EOGT: variants seen among roughly 807,000 people sequenced by gnomAD.
EOGT encodes the protein EGF domain specific O-linked N-acetylglucosamine transferase.
Under a neutral mutation model 70.5 loss-of-function variants are expected in EOGT, and 55 were observed. The ratio of observed to expected loss-of-function variants is 0.78; its 90% CI spans 0.63 to 0.98. The LOEUF (loss-of-function observed/expected upper bound fraction) is 0.98, where lower values mean the gene tolerates loss of function less well. Ranked by LOEUF, EOGT falls within the 50% of genes least tolerant of loss-of-function variation. The pLI, the probability that EOGT is intolerant of heterozygous loss-of-function variation, is 0.00. For missense variants in EOGT, 703 were observed against 641.9 expected (o/e 1.10, Z -1.03); for synonymous variants, 246 against 217.1 (o/e 1.13, Z -1.17).
In EOGT at chr3:69,005,168, A is replaced by T. The variant is rs1172914593; in HGVS notation, c.487T>A (p.Leu163Ile). Residue 163 changes from leucine to isoleucine, a missense_variant, in exon 7 of 18, where the codon TTA becomes ATA. Transcript: ENST00000383701. Reference sequence around the variant, plus strand: ...TCATGATTTCTCTTGATGTTTCTTAAATCAAGATAGAGATTGGTTGCTCTG... The same window carrying T: ...TCATGATTTCTCTTGATGTTTCTTATATCAAGATAGAGATTGGTTGCTCTG... ...YCRATNLYLD[L>I]RNIKRNHDRF... The T allele has an allele frequency of 6.3e-7, 1 of 1,597,464 alleles. No homozygotes were observed. The highest frequency in any genetic ancestry group is 8.6e-7 in the Non-Finnish European group (1 of 1,165,548).
chr3:68,989,153 C>G (rs1231963183), intron 10 of EOGT, 136 bp from the exon 11 acceptor site: 1 of 516,880 alleles, frequency 1.9e-6, no homozygotes. Flanking sequence ...TCCATACAAG[C>G]AAAATGGATC....
intron 5 of EOGT, 48 bp from the exon 6 acceptor site, chr3:69,007,869 G>A: frequency 7.3e-7 from 1 of 1,364,912 alleles, no homozygotes; most frequent in Non-Finnish European, 1.0e-6. Flanking sequence ...TTACTTTTTT[G>A]GACCTTGAAT....
chr3:68,981,377 C>T (rs952735578), intron 15 of EOGT, among the ~76,000 whole-genome samples: 3 of 152,154 alleles, frequency 2.0e-5, no homozygotes, highest in Non-Finnish European at 4.4e-5. Context: ...GCAAAGCTCC[C>T]ATGCCAACAT....
chr3:68,982,228 T>C (rs539054678), intron 15 of EOGT, among the ~76,000 whole-genome samples: 1 of 152,144 alleles, frequency 6.6e-6, no homozygotes, highest in Admixed American at 6.5e-5. Context: ...TTTAAAATTA[T>C]GAAATTTTAG....
At chr3:68,997,345 G>A (rs1412717127) in intron 10 of EOGT, among the ~76,000 whole-genome samples, 1 of 151,536 alleles carries the variant, frequency 6.6e-6, no homozygotes, top group Non-Finnish European at 1.5e-5. Context: ...TCCAACATAG[G>A]TTACAGAGGT....
chr3:68,979,883 T>C (rs2090587393), intron 15 of EOGT, 96 bp from the exon 16 acceptor site: 3 of 1,235,020 alleles, frequency 2.4e-6, no homozygotes, highest in Non-Finnish European at 3.3e-6. Context: ...TTTATAAAAG[T>C]GTATTGCCCA....
At chr3:68,983,506 A>T (rs1002792234) in intron 14 of EOGT, among the ~76,000 whole-genome samples, 2 of 152,240 alleles carry the variant, frequency 1.3e-5, no homozygotes, top group Non-Finnish European at 2.9e-5. Context: ...GCCACGGGGG[A>T]TCACCACCAT....
At position 68,978,282 on chromosome 3, in the gene EOGT, C is replaced by G. The variant is rs774272094; in HGVS notation, c.1437+51G>C. On this transcript the variant is annotated intron_variant, in intron 17 of 17. Coordinates refer to ENST00000383701, the MANE Select transcript of EOGT (RefSeq NM_001278689.2). ...CATTTTTCATATCAATAATTGGATA[C>G]TTTAAACCAATTAAAAATGAAGCAA... 11 of 1,359,932 alleles carry G rather than the reference C, an allele frequency of 8.1e-6. No individual in the cohort carries two copies. In the Admixed American group the frequency reaches 1.6e-4, roughly 20 times the overall value. 84.2% of individuals were successfully genotyped at this position (1,359,932 alleles called of 1,614,324 possible). A position where few individuals can be genotyped will look rare whatever the true frequency, so the allele number is the denominator to read the frequency against.
rs575602942 is a variant in EOGT, at chr3:68,988,958, G to A, written c.891C>T (p.Asp297=). 16 of 1,530,734 alleles carry A rather than the reference G, an allele frequency of 1.0e-5. 1 individual carries two copies. Among genetic ancestry groups the A allele is most frequent in the East Asian group, 7.4e-5 (3 of 40,724 alleles). The allele number at this position is 1,530,734 out of a possible 1,614,324, so 94.8% of individuals were successfully genotyped here. ...SDTWNAFTDY[D]VIHLKTYDSK... is the part of the protein sequence containing the mutation. Reference sequence around the variant, plus strand: ...AATCATAAGTTTTCAAATGTATAACGTCATAATCAGTAAATGCATTCCATG... The same window carrying A: ...AATCATAAGTTTTCAAATGTATAACATCATAATCAGTAAATGCATTCCATG... Residue 297 remains aspartate (D), a synonymous_variant, in exon 11 of 18, where the codon GAC becomes GAT. Transcript: ENST00000383701.
intron 1 of EOGT, among the ~76,000 whole-genome samples, chr3:69,013,288 C>T (rs2091622770): frequency 6.6e-6 from 1 of 151,786 alleles, no homozygotes. Flanking sequence ...GCGGCTCCGC[C>T]CCGGCTGGAA....
At chr3:68,982,472 A>ATG (rs1025057876) in intron 15 of EOGT, among the ~76,000 whole-genome samples, 1 of 152,186 alleles carries the variant, frequency 6.6e-6, no homozygotes, top group African/African-American at 2.4e-5. Flanking sequence ...GTGAGCTGAG[A>ATG]TGGCACCACT....
intron 10 of EOGT, among the ~76,000 whole-genome samples, chr3:68,989,834 TG>T (rs1442312032): frequency 6.6e-6 from 1 of 151,082 alleles, no homozygotes; most frequent in Non-Finnish European, 1.5e-5. Context: ...TCCAGCGCTT[TG>T]GGAGGCAAAG....
At chr3:69,009,922 A>C in intron 3 of EOGT, 62 bp from the exon 4 acceptor site, 4 of 613,604 alleles carry the variant, frequency 6.5e-6, no homozygotes, top group Non-Finnish European at 1.0e-5. Flanking sequence ...AAACAACAAC[A>C]ACAACAACAA....
chr3:69,009,358 T>C (rs2091512448), intron 4 of EOGT, among the ~76,000 whole-genome samples: 1 of 152,234 alleles, frequency 6.6e-6, no homozygotes, highest in African/African-American at 2.4e-5. Context: ...AGATGTTCTT[T>C]CCTGCATAAA....
chr3:68,976,993 C>CT lies in EOGT; in HGVS notation c.*624dup. 1 of 152,548 alleles carries CT rather than the reference C, an allele frequency of 6.6e-6. No homozygotes were observed. Among genetic ancestry groups the CT allele is most frequent in the East Asian group, 1.9e-4 (1 of 5,188 alleles). The allele number at this position is 152,548 out of a possible 1,614,324, so 9.4% of individuals were successfully genotyped here. On this transcript the variant is annotated 3_prime_UTR_variant, in exon 18 of 18. Transcript: ENST00000383701. ...TGGCCAACATGGTGAAACTCCGTCT[C>CT]TATCAAAAATACAAAAATCAACTGG...
At chr3:68,978,044 G>C (rs1286152720) in intron 17 of EOGT, among the ~76,000 whole-genome samples, 1 of 152,184 alleles carries the variant, frequency 6.6e-6, no homozygotes, top group Admixed American at 6.5e-5. Context: ...AACATGTCAT[G>C]GGCTGGATTT....
intron 10 of EOGT, among the ~76,000 whole-genome samples, chr3:68,993,517 T>C (rs181197851): frequency 6.6e-6 from 1 of 152,282 alleles, no homozygotes; most frequent in African/African-American, 2.4e-5. Flanking sequence ...GCAAAGCTAT[T>C]CAACAAGTCT....
chr3:68,999,095 G>T (rs753289638), intron 9 of EOGT, among the ~76,000 whole-genome samples: 1 of 152,128 alleles, frequency 6.6e-6, no homozygotes, highest in Non-Finnish European at 1.5e-5. Context: ...CCAAGCATGC[G>T]CAACATTCTT....
rs528287713 is a variant in EOGT at position 69,009,929 on chromosome 3, ACAAC to A, written c.-14-73_-14-70del. The stretch of plus-strand genomic sequence containing the variant: ...AAAAGCCAAAACAACAACAACAACA[ACAAC>A]AAAAAAAAAAAAAAAACAAAGGGTC... On this transcript the variant is annotated intron_variant, in intron 3 of 17. Coordinates refer to ENST00000383701, the MANE Select transcript of EOGT (RefSeq NM_001278689.2). 4,605 of 546,816 alleles carry A rather than the reference ACAAC, an allele frequency of 8.4e-3. 30 individuals are homozygous for A. Among genetic ancestry groups the A allele is most frequent in the African/African-American group, 0.048 (1,883 of 39,094 alleles). The allele number at this position is 546,816 out of a possible 1,614,324, so 33.9% of individuals were successfully genotyped here. A position where few individuals can be genotyped will look rare whatever the true frequency, so the allele number is the denominator to read the frequency against.
Sources: gnomAD v4.1 joint callset for allele counts (sites outside exome capture counted in the v4.1 genomes callset) on GRCh38, gnomAD v4.1.1 for gene constraint, MANE v1.5 for transcripts, NCBI Gene and HGNC (gene_info 2026-07-23, HGNC 2026-07-21) for gene names.